The following ARSJ variants were observed in gnomAD, a reference collection of about 807,000 sequenced individuals.
The protein encoded by ARSJ is arylsulfatase family member J.
In ARSJ, 26 loss-of-function variants were observed where a neutral mutation model predicts 35.9. That is an observed-to-expected ratio of 0.72 (90% CI 0.53 to 1.00). ARSJ has a LOEUF of 1.00. Among genes scored for constraint, ARSJ ranks in the 50% least tolerant of loss-of-function variants. The pLI is 0.00. For missense variants in ARSJ, 667 were observed against 723.6 expected, an observed-to-expected ratio of 0.92 and a Z score of 0.90; for synonymous variants, 294 against 267.6, an observed-to-expected ratio of 1.10 and a Z score of -0.96.
At chr4:113,945,383 C>A (rs928784628) in intron 1 of ARSJ, among the ~76,000 whole-genome samples, 4 of 152,100 alleles carry the variant, frequency 2.6e-5, no homozygotes, top group African/African-American at 9.7e-5. Context: ...AGTGATCCTC[C>A]CACATCAGCC....
chr4:113,928,665 C>T (rs908330486), intron 1 of ARSJ, among the ~76,000 whole-genome samples: 9 of 152,160 alleles, frequency 5.9e-5, no homozygotes, highest in Admixed American at 4.6e-4. Flanking sequence ...GCCCCTGCCA[C>T]CTCAGGATCC....
intron 1 of ARSJ, among the ~76,000 whole-genome samples, chr4:113,959,630 G>T (rs970606143): frequency 8.5e-5 from 13 of 152,052 alleles, no homozygotes; most frequent in Non-Finnish European, 7.4e-5. Context: ...AGATTGCAAT[G>T]ATCATGTGTA....
In ARSJ at chr4:113,979,058, C is replaced by T. The variant is rs1164202559; in HGVS notation, c.-224G>A. ...GGGCTCGCTCTTCTCCAGCACATTT[C>T]ACTTTCTCCTCCTCCTCCCCCCTCC... On this transcript the variant is annotated 5_prime_UTR_variant, in exon 1 of 2. Transcript: ENST00000315366. 2.3e-6 allele frequency: 1 copy of T among 438,344 alleles called. No homozygotes were observed. Among genetic ancestry groups the T allele is most frequent in the Non-Finnish European group, 4.0e-6 (1 of 250,124 alleles). The allele number at this position is 438,344 out of a possible 1,614,324, so 27.2% of individuals were successfully genotyped here.
intron 1 of ARSJ, among the ~76,000 whole-genome samples, chr4:113,941,051 T>A (rs181775781): frequency 1.9e-3 from 282 of 151,998 alleles, no homozygotes; most frequent in African/African-American, 6.5e-3. Flanking sequence ...AGCAAATAGA[T>A]CTTTCTATTT....
At chr4:113,926,873 C>A (rs181781960) in intron 1 of ARSJ, among the ~76,000 whole-genome samples, 5 of 152,252 alleles carry the variant, frequency 3.3e-5, no homozygotes, top group African/African-American at 9.6e-5. Context: ...ACGGCAGGGT[C>A]CTGCTCCAAA....
chr4:113,948,897 G>A (rs1725673789), intron 1 of ARSJ, among the ~76,000 whole-genome samples: 1 of 151,998 alleles, frequency 6.6e-6, no homozygotes, highest in Admixed American at 6.6e-5. Context: ...TTTAAGAAAT[G>A]TGCTACATCC....
chr4:113,943,348 C>T (rs1725276304), intron 1 of ARSJ: 1 of 152,024 alleles, frequency 6.6e-6, no homozygotes, highest in Non-Finnish European at 1.5e-5. Flanking sequence ...TCATGACTGC[C>T]CTGAGTACCA....
chr4:113,978,919 G>T lies in ARSJ; in HGVS notation c.-85C>A. The T allele has an allele frequency of 7.1e-7, 1 of 1,399,870 alleles. No individual in the cohort carries two copies. Among genetic ancestry groups the T allele is most frequent in the Non-Finnish European group, 9.6e-7 (1 of 1,037,538 alleles). 86.7% of individuals were successfully genotyped at this position (1,399,870 alleles called of 1,614,324 possible). A position where few individuals can be genotyped will look rare whatever the true frequency, so the allele number is the denominator to read the frequency against. The stretch of plus-strand genomic sequence containing the variant: ...CGCACACATGCACCCAACAGACGGT[G>T]AAGACTCTCCACCTGGCAAGAAATC... On this transcript the variant is annotated 5_prime_UTR_variant, in exon 1 of 2. Transcript: ENST00000315366.
intron 1 of ARSJ, among the ~76,000 whole-genome samples, chr4:113,943,893 G>A (rs1311192714): frequency 6.6e-6 from 1 of 152,056 alleles, no homozygotes; most frequent in African/African-American, 2.4e-5. Context: ...CAGGGAGGTA[G>A]GCAGGCATGA....
intron 1 of ARSJ, among the ~76,000 whole-genome samples, chr4:113,954,150 G>T (rs751058486): frequency 6.6e-6 from 1 of 151,942 alleles, no homozygotes; most frequent in Non-Finnish European, 1.5e-5. Flanking sequence ...CGACATCTCA[G>T]TACATATTTG....
intron 1 of ARSJ, among the ~76,000 whole-genome samples, chr4:113,910,967 G>C (rs1483337857): frequency 6.6e-6 from 1 of 152,162 alleles, no homozygotes; most frequent in Non-Finnish European, 1.5e-5. Flanking sequence ...TTTCATTTGA[G>C]TTTCAGTGCA....
chr4:113,916,467 T>C (rs780124547), intron 1 of ARSJ, among the ~76,000 whole-genome samples: 3 of 151,916 alleles, frequency 2.0e-5, no homozygotes, highest in Non-Finnish European at 2.9e-5. Flanking sequence ...TTTAAACAAA[T>C]TGCAAATTGT....
Position 113,901,850 on chromosome 4 carries a change from C to A in ARSJ, c.*424G>T. ...GTAATTTATCAAAGGTAGTTTTAATCATGCTACCCTGTAACTTCCATCAAA... is the reference window on the plus strand; with the variant it reads ...GTAATTTATCAAAGGTAGTTTTAATAATGCTACCCTGTAACTTCCATCAAA... On this transcript the variant is annotated 3_prime_UTR_variant, in exon 2 of 2. Coordinates refer to ENST00000315366, the MANE Select transcript of ARSJ (RefSeq NM_024590.4). 3 of 185,978 alleles carry A rather than the reference C, an allele frequency of 1.6e-5. No homozygotes were observed. The highest frequency in any genetic ancestry group is 1.1e-4 in the South Asian group (1 of 9,074). The allele number at this position is 185,978 out of a possible 1,614,324, so 11.5% of individuals were successfully genotyped here.
intron 1 of ARSJ, among the ~76,000 whole-genome samples, chr4:113,920,755 A>G (rs2149258446): frequency 6.6e-6 from 1 of 152,214 alleles, no homozygotes; most frequent in Middle Eastern, 3.4e-3. Flanking sequence ...TTTGAGTGTC[A>G]ACTATGAGAA....
chr4:113,950,583 G>T (rs953286956), intron 1 of ARSJ, among the ~76,000 whole-genome samples: 2 of 151,992 alleles, frequency 1.3e-5, no homozygotes, highest in African/African-American at 4.8e-5. Flanking sequence ...TGAGGGAAAG[G>T]GAAGAAAGAG....
chr4:113,936,977 C>A (rs1724804522), intron 1 of ARSJ, among the ~76,000 whole-genome samples: 1 of 151,856 alleles, frequency 6.6e-6, no homozygotes, highest in African/African-American at 2.4e-5. Context: ...TAAGAGCCTG[C>A]AATCTTGTAA....
intron 1 of ARSJ, among the ~76,000 whole-genome samples, chr4:113,933,084 T>C (rs565436866): frequency 1.3e-5 from 2 of 151,888 alleles, no homozygotes; most frequent in South Asian, 4.1e-4. Context: ...CAGACAACTT[T>C]ATGCCAACAA....
intron 1 of ARSJ, among the ~76,000 whole-genome samples, chr4:113,933,900 G>T (rs1260418753): frequency 6.6e-6 from 1 of 151,644 alleles, no homozygotes; most frequent in Non-Finnish European, 1.5e-5. Flanking sequence ...GAGCAATTAG[G>T]CAAGAGAAAG....
intron 1 of ARSJ, among the ~76,000 whole-genome samples, chr4:113,907,982 C>A (rs1462217840): frequency 6.6e-6 from 1 of 152,102 alleles, no homozygotes; most frequent in African/African-American, 2.4e-5. Flanking sequence ...AACTACCCAT[C>A]GGGTAGTATG....
Sources: allele counts gnomAD v4.1 joint callset (sites outside exome capture counted in the v4.1 genomes callset), GRCh38; gene constraint gnomAD v4.1.1; transcripts MANE v1.5; gene names NCBI Gene and HGNC (gene_info 2026-07-23, HGNC 2026-07-21).